ZNF582: variants seen among roughly 807,000 people sequenced by gnomAD.
ZNF582 encodes the protein zinc finger protein 582.
Under a neutral mutation model 12.3 loss-of-function variants are expected in ZNF582, and 14 were observed. That is an observed-to-expected ratio of 1.14 (90% CI 0.75 to 1.78). The LOEUF is 1.78. Ranked by LOEUF, ZNF582 falls within the 40% of genes most tolerant of loss-of-function variation. The pLI is 0.00. For missense variants in ZNF582, 567 were observed against 616.5 expected, an observed-to-expected ratio of 0.92 and a Z score of 0.85; for synonymous variants, 210 against 207.2, an observed-to-expected ratio of 1.01 and a Z score of -0.11.
intron 1 of ZNF582, among the ~76,000 whole-genome samples, chr19:56,392,329 C>T (rs897965586): frequency 1.3e-5 from 2 of 152,238 alleles, no homozygotes; most frequent in African/African-American, 4.8e-5. Context: ...CAAACTGAGG[C>T]TTTGTGCATG....
At position 56,384,215 on chromosome 19, in the gene ZNF582, C is replaced by T. The variant is rs760244054; in HGVS notation, c.1202G>A (p.Gly401Asp). ...ATGTGAGACCCGTTTGAAGGCCCTA[C>T]CACATACCTTACATTGGTAGGGTTT... is the stretch of plus-strand genomic sequence containing the variant. The change falls in exon 5 of 5, where the codon GGT becomes GAT. Residue 401 changes from glycine to aspartate, a missense_variant. By Grantham distance (94) the Gly-to-Asp change is moderately conservative. Coordinates refer to ENST00000586929, the Ensembl canonical transcript of ZNF582. 9 of 1,613,234 alleles carry T rather than the reference C, an allele frequency of 5.6e-6. No homozygotes were observed. The African/African-American group carries it at 1.2e-4, about 22-fold the overall frequency.
exon 5 of ZNF582, chr19:56,383,662 T>C (rs993740755): frequency 4.1e-6 from 2 of 482,646 alleles, no homozygotes; most frequent in African/African-American, 4.0e-5. Context: ...TTCTGGAATG[T>C]GTTAGAAATA....
intron 3 of ZNF582, 108 bp downstream of exon 3, chr19:56,390,267 C>T: frequency 6.5e-7 from 1 of 1,546,520 alleles, no homozygotes. Context: ...CGCCCTTTAA[C>T]CCCTCAAAAA....
chr19:56,382,896 G>A (rs904214504), exon 5 of ZNF582: 1 of 152,168 alleles, frequency 6.6e-6, no homozygotes, highest in African/African-American at 2.4e-5. Context: ...CAAGACAGCT[G>A]CAGCAGCTTC....
chr19:56,390,114 C>G lies in ZNF582; in HGVS notation c.137-18G>C. 2 of 1,611,846 alleles carry G rather than the reference C, an allele frequency of 1.2e-6. No homozygotes were observed. The highest frequency in any genetic ancestry group is 2.2e-5 in the South Asian group (2 of 90,964). ...GGCAAGACCTGGAGATGAGAAGAAA[C>G]ATGCCACCTGGTTATGGTGTGGGGG... On this transcript the variant is annotated intron_variant, in intron 3 of 4. Coordinates refer to ENST00000586929, the Ensembl canonical transcript of ZNF582.
intron 2 of ZNF582, 87 bp downstream of exon 2, chr19:56,391,657 A>C: frequency 8.2e-7 from 1 of 1,222,686 alleles, no homozygotes; most frequent in Non-Finnish European, 1.2e-6. Flanking sequence ...TAAAATGGGA[A>C]AGTCTGAGAA....
intron 2 of ZNF582, among the ~76,000 whole-genome samples, chr19:56,390,803 T>A (rs1172230772): frequency 6.6e-6 from 1 of 152,244 alleles, no homozygotes; most frequent in African/African-American, 2.4e-5. Context: ...CTGCCCACTC[T>A]ATACTTGGCA....
chr19:56,393,438 T>A, exon 1 of ZNF582: 1 of 539,296 alleles, frequency 1.9e-6, no homozygotes, highest in Non-Finnish European at 3.5e-6. Context: ...CCGGAACCTC[T>A]CACCTGCCGC....
chr19:56,392,957 C>G (rs2042028046), intron 1 of ZNF582, among the ~76,000 whole-genome samples: 1 of 152,150 alleles, frequency 6.6e-6, no homozygotes, highest in African/African-American at 2.4e-5. Context: ...TTTGTATTAA[C>G]TGCACGATAT....
chr19:56,390,776 C>G (rs944964746), intron 2 of ZNF582, among the ~76,000 whole-genome samples: 1 of 152,094 alleles, frequency 6.6e-6, no homozygotes, highest in East Asian at 1.9e-4. Context: ...TGTTAAGAAA[C>G]AGTGTAATAA....
At chr19:56,390,594 G>T in intron 2 of ZNF582, 93 bp from the exon 3 acceptor site, 2 of 1,436,544 alleles carry the variant, frequency 1.4e-6, no homozygotes, top group Non-Finnish European at 1.9e-6. Context: ...AGGGGGGGTT[G>T]TTTTGTTGAA....
At chr19:56,384,452 T>G (rs1354191867) in exon 5 of ZNF582, 14 of 1,598,324 alleles carry the variant, frequency 8.8e-6, no homozygotes, top group Non-Finnish European at 1.2e-5. Context: ...CTGAGAACGA[T>G]GACTAAAGGT....
chr19:56,388,768 G>A (rs1332609717), intron 4 of ZNF582, among the ~76,000 whole-genome samples: 1 of 152,086 alleles, frequency 6.6e-6, no homozygotes, highest in African/African-American at 2.4e-5. Flanking sequence ...AAGTAGCTGG[G>A]ATTATAGGCA....
chr19:56,391,647 TA>T (rs2147519258), intron 2 of ZNF582, 96 bp downstream of exon 2: 28 of 1,107,858 alleles, frequency 2.5e-5, no homozygotes, highest in African/African-American at 1.5e-5. Flanking sequence ...TTTTATTCCC[TA>T]AAATGGGAAA....
At chr19:56,385,320 A>C (rs2041957470) in intron 4 of ZNF582, 136 bp from the exon 5 acceptor site, 2 of 883,978 alleles carry the variant, frequency 2.3e-6, no homozygotes, top group Non-Finnish European at 3.3e-6. Context: ...ATGGACAAGT[A>C]GAACAGTGAA....
chr19:56,384,800 T>C (rs777947534), exon 5 of ZNF582: 2 of 1,598,084 alleles, frequency 1.3e-6, no homozygotes, highest in South Asian at 2.3e-5. Context: ...TTTAAAGGCC[T>C]TCCCACATTC....
At position 56,391,733 on chromosome 19, in the gene ZNF582, TA is replaced by T; in HGVS notation, c.9+10del. 6.2e-7 allele frequency: 1 copy of T among 1,612,282 alleles called. No homozygotes were observed. The highest frequency in any genetic ancestry group is 8.5e-7 in the Non-Finnish European group (1 of 1,178,344). On this transcript the variant is annotated intron_variant, in intron 2 of 4. Transcript: ENST00000586929. ...AAGGAAAGCAAATATTTATGGGATT[TA>T]AAAACTCACAAGGGACATGACTTTT...
rs1422963757 is a variant in ZNF582 at position 56,385,220 on chromosome 19, T to C, written c.233-36A>G. ...AAAAAAGCGAATATGTTTGGCTTCT[T>C]TTTTTTTCCAGATAAAGGAACTAAA... On this transcript the variant is annotated intron_variant, in intron 4 of 4. Transcript: ENST00000586929. 4.6e-6 allele frequency: 7 copies of C among 1,527,218 alleles called. No homozygotes were observed. In the East Asian group the frequency reaches 1.4e-4, roughly 29 times the overall value. 94.6% of individuals were successfully genotyped at this position (1,527,218 alleles called of 1,614,324 possible). A position where few individuals can be genotyped will look rare whatever the true frequency, so the allele number is the denominator to read the frequency against.
chr19:56,388,662 T>C (rs1417244704), intron 4 of ZNF582, among the ~76,000 whole-genome samples: 1 of 152,066 alleles, frequency 6.6e-6, no homozygotes, highest in Non-Finnish European at 1.5e-5. Flanking sequence ...AGACAGAGTC[T>C]CTCTCTGTTG....
Sources: gnomAD v4.1 joint callset for allele counts (sites outside exome capture counted in the v4.1 genomes callset) on GRCh38, gnomAD v4.1.1 for gene constraint, MANE v1.5 for transcripts, NCBI Gene and HGNC (gene_info 2026-07-23, HGNC 2026-07-21) for gene names.